The following CASZ1 variants were observed in gnomAD, a reference collection of about 807,000 sequenced individuals.
The protein encoded by CASZ1 is zinc finger protein castor homolog 1.
In CASZ1, 28 loss-of-function variants were observed where a neutral mutation model predicts 135.2. The ratio of observed to expected loss-of-function variants is 0.21; its 90% confidence interval spans 0.15 to 0.28. The LOEUF (loss-of-function observed/expected upper bound fraction) is 0.28, where lower values mean the gene tolerates loss of function less well. CASZ1 is among the 10% of genes least tolerant of loss of function. The pLI, the probability that CASZ1 is intolerant of heterozygous loss-of-function variation, is 1.00. For synonymous variants in CASZ1, 1,068 were observed against 1,073.4 expected, an observed-to-expected ratio of 0.99 and a Z score of 0.10; for missense variants, 2,161 against 2,453.3, an observed-to-expected ratio of 0.88 and a Z score of 2.52.
rs370651839 is a variant in CASZ1 at position 10,665,066 on chromosome 1, G to T, written c.505+17C>A. The stretch of plus-strand genomic sequence containing the variant: ...CTGTCCTGGCCTTCAGCCTCCCTTC[G>T]AAGGCCAGGCACCCACCTGAAGCCT... On this transcript the variant is annotated intron_variant, in intron 5 of 20. Transcript: ENST00000377022. 62 of 1,494,426 alleles carry T rather than the reference G, an allele frequency of 4.1e-5. No homozygotes were observed. In the East Asian group the frequency reaches 5.2e-4, roughly 13 times the overall value. The allele number at this position is 1,494,426 out of a possible 1,614,324, so 92.6% of individuals were successfully genotyped here.
In CASZ1 at chr1:10,679,603, C is replaced by T. The variant is rs1405323201; in HGVS notation, c.17-14032G>A. On this transcript the variant is annotated intron_variant, in intron 4 of 20. Transcript: ENST00000377022. This position sits in a 1 kb window ranked among gnomAD's most constrained non-coding sequence, Gnocchi z 4.7. The stretch of plus-strand genomic sequence containing the variant: ...CAGCCTGCAACAGCTGCACCTCCAC[C>T]CCCAGCCTGGGTCGAGTGGGTGGTG... Among the ~76,000 whole-genome samples, 1 of 152,184 alleles carries T rather than the reference C, an allele frequency of 6.6e-6. No homozygotes were observed. The highest frequency in any genetic ancestry group is 2.4e-5 in the African/African-American group (1 of 41,446).
chr1:10,745,015 C>T (rs904131246), intron 2 of CASZ1, among the ~76,000 whole-genome samples: 2 of 152,170 alleles, frequency 1.3e-5, no homozygotes, highest in African/African-American at 2.4e-5. Context: ...GGCCACCTGA[C>T]CTTCTAGCCC....
chr1:10,732,168 T>C (rs1639712741), intron 2 of CASZ1, among the ~76,000 whole-genome samples: 1 of 151,346 alleles, frequency 6.6e-6, no homozygotes, highest in East Asian at 1.9e-4. Context: ...CTACTAAAAA[T>C]ATAAAAATTA....
rs908102384 is a variant in CASZ1 at position 10,774,982 on chromosome 1, C to A, written c.-233-14125G>T. Among the ~76,000 whole-genome samples the A allele has an allele frequency of 2.0e-5, 3 of 152,152 alleles. No homozygotes were observed. Among genetic ancestry groups the A allele is most frequent in the African/African-American group, 7.2e-5 (3 of 41,434 alleles). ...CTGCATTAAACACACACACACAACA[C>A]CCCAACAAGGGAGACAGAATACACC... On this transcript the variant is annotated intron_variant, in intron 1 of 20. Coordinates refer to ENST00000377022, the MANE Select transcript of CASZ1 (RefSeq NM_001079843.3). The surrounding 1 kb of genome is among the most constrained non-coding windows in gnomAD (Gnocchi z 4.4).
Position 10,700,467 on chromosome 1 carries a change from CGTGTGCTG to C in CASZ1, c.-24+5017_-24+5024del, listed in dbSNP as rs1399543250. ...TGCCAGCGTACTTGGGGAGAAGACACGTGTGCTGCTGCCTGAGTCTAGGTGTTTGGATG... is the reference window on the plus strand; with the variant it reads ...TGCCAGCGTACTTGGGGAGAAGACACCTGCCTGAGTCTAGGTGTTTGGATG... On this transcript the variant is annotated intron_variant, in intron 3 of 20. Transcript: ENST00000377022. This position sits in a 1 kb window ranked among gnomAD's most constrained non-coding sequence, Gnocchi z 4.2. 2.0e-5 allele frequency among the ~76,000 whole-genome samples: 3 copies of C among 152,292 alleles called. No homozygotes were observed. The East Asian group carries it at 5.8e-4, about 29-fold the overall frequency.
At chr1:10,790,081 A>T (rs1342615304) in intron 1 of CASZ1, among the ~76,000 whole-genome samples, 1 of 152,196 alleles carries the variant, frequency 6.6e-6, no homozygotes, top group Non-Finnish European at 1.5e-5. Flanking sequence ...CCGCCCAGGC[A>T]GAAGACAGAC....
intron 2 of CASZ1, among the ~76,000 whole-genome samples, chr1:10,742,638 T>C (rs1639945496): frequency 6.6e-6 from 1 of 152,146 alleles, no homozygotes; most frequent in Non-Finnish European, 1.5e-5. Flanking sequence ...GTCAAGCCCT[T>C]ATCTGAGCGC....
intron 3 of CASZ1, among the ~76,000 whole-genome samples, chr1:10,702,344 G>C (rs998750783): frequency 6.6e-6 from 1 of 152,218 alleles, no homozygotes; most frequent in Non-Finnish European, 1.5e-5. Flanking sequence ...TCAGAGGCCA[G>C]TGAAGGTCAG....
chr1:10,692,397 G>A (rs1283177423), intron 4 of CASZ1, among the ~76,000 whole-genome samples: 7 of 152,174 alleles, frequency 4.6e-5, no homozygotes, highest in African/African-American at 1.7e-4. Flanking sequence ...GCTGGGATGG[G>A]TGGGGGCCCC....
In CASZ1 at chr1:10,756,865, T is replaced by C. The variant is rs985534098; in HGVS notation, c.-77+3836A>G. 1.7e-4 allele frequency among the ~76,000 whole-genome samples: 26 copies of C among 152,052 alleles called. No individual in the cohort carries two copies. Among genetic ancestry groups the C allele is most frequent in the African/African-American group, 6.0e-4 (25 of 41,470 alleles). Reference sequence around the variant, plus strand: ...ACGACGCTCTATATGACCCGGCACGTGGAAAAAGGTGTGCAGAAGCTCAGC... The same window carrying C: ...ACGACGCTCTATATGACCCGGCACGCGGAAAAAGGTGTGCAGAAGCTCAGC... On this transcript the variant is annotated intron_variant, in intron 2 of 20. Coordinates refer to ENST00000377022, the MANE Select transcript of CASZ1 (RefSeq NM_001079843.3). This position sits in a 1 kb window ranked among gnomAD's most constrained non-coding sequence, Gnocchi z 5.9.
At chr1:10,723,773 C>T (rs1007161633) in intron 2 of CASZ1, among the ~76,000 whole-genome samples, 5 of 152,172 alleles carry the variant, frequency 3.3e-5, no homozygotes, top group African/African-American at 7.2e-5. Context: ...GGACTAGATG[C>T]CCAGGAAGCT....
chr1:10,746,993 T>A (rs1024390947), intron 2 of CASZ1, among the ~76,000 whole-genome samples: 6 of 152,204 alleles, frequency 3.9e-5, no homozygotes, highest in African/African-American at 1.4e-4. Flanking sequence ...GTGGGCAAGA[T>A]GGATGACCCC....
At chr1:10,659,639 A>C in intron 6 of CASZ1, 63 bp downstream of exon 6, 3 of 1,340,138 alleles carry the variant, frequency 2.2e-6, no homozygotes, top group Non-Finnish European at 3.2e-6. Context: ...CCTGGTGAGG[A>C]AGGAGGCCTC....
At position 10,637,254 on chromosome 1, in the gene CASZ1, C is replaced by T. The variant is rs949989638; in HGVS notation, c.*1688G>A. On this transcript the variant is annotated 3_prime_UTR_variant, in exon 21 of 21. Transcript: ENST00000377022. The stretch of plus-strand genomic sequence containing the variant: ...TCACTGTCTGGGCAGATGCTCACAG[C>T]AGCACGTGGTGCCCACAGAGTTCAG... 2 of 152,406 alleles carry T rather than the reference C, an allele frequency of 1.3e-5. No individual in the cohort carries two copies. Among genetic ancestry groups the T allele is most frequent in the Non-Finnish European group, 2.9e-5 (2 of 68,030 alleles). 9.4% of individuals were successfully genotyped at this position (152,406 alleles called of 1,614,324 possible).
chr1:10,787,884 A>C (rs1475075175), intron 1 of CASZ1, among the ~76,000 whole-genome samples: 1 of 152,122 alleles, frequency 6.6e-6, no homozygotes, highest in Non-Finnish European at 1.5e-5. Context: ...TGACTCCCAC[A>C]CATCCCCTTT....
chr1:10,649,244 C>CG, intron 14 of CASZ1, 39 bp downstream of exon 14: 1 of 1,607,340 alleles, frequency 6.2e-7, no homozygotes, highest in Middle Eastern at 1.7e-4. Context: ...AGGGCGGGTG[C>CG]GGGGGGACGA....
rs1162404696 is a variant in CASZ1, at chr1:10,777,956, C to T, written c.-233-17099G>A. Reference sequence around the variant, plus strand: ...ACCATTTCACACTATGTCACAACCACATACAATCTCATACGCAATCGCATA... The same window carrying T: ...ACCATTTCACACTATGTCACAACCATATACAATCTCATACGCAATCGCATA... On this transcript the variant is annotated intron_variant, in intron 1 of 20. Transcript: ENST00000377022. The surrounding 1 kb of genome is among the most constrained non-coding windows in gnomAD (Gnocchi z 4.4). 1.3e-5 allele frequency among the ~76,000 whole-genome samples: 2 copies of T among 152,064 alleles called. No individual in the cohort carries two copies. The highest frequency in any genetic ancestry group is 2.9e-5 in the Non-Finnish European group (2 of 68,022).
rs1639179758 is a variant in CASZ1 at position 10,706,684 on chromosome 1, C to A, written c.-76-1140G>T. Among the ~76,000 whole-genome samples, 1 of 152,196 alleles carries A rather than the reference C, an allele frequency of 6.6e-6. No homozygotes were observed. The highest frequency in any genetic ancestry group is 2.4e-5 in the African/African-American group (1 of 41,442). ...TAAGGAGGGCTCGGCTCTCCACCAG[C>A]TTTCGCCGCTTGTGTTGGGCTGCCC... On this transcript the variant is annotated intron_variant, in intron 2 of 20. Coordinates refer to ENST00000377022, the MANE Select transcript of CASZ1 (RefSeq NM_001079843.3). This position sits in a 1 kb window ranked among gnomAD's most constrained non-coding sequence, Gnocchi z 4.3.
rs1553122980 is a variant in CASZ1, at chr1:10,637,132, T to TAAG, written c.*1807_*1809dup. The TAAG allele has an allele frequency of 2.0e-5, 3 of 152,266 alleles. No homozygotes were observed. The highest frequency in any genetic ancestry group is 4.8e-5 in the African/African-American group (2 of 41,392). 9.4% of individuals were successfully genotyped at this position (152,266 alleles called of 1,614,324 possible). On this transcript the variant is annotated 3_prime_UTR_variant, in exon 21 of 21. Transcript: ENST00000377022. ...TTCTTCTTTTCTTCTTTTTTTTTTT[T>TAAG]AAGTTTGATTTTGCTACATTGAAAA...
Sources: gnomAD v4.1 joint callset for allele counts (sites outside exome capture counted in the v4.1 genomes callset) on GRCh38, gnomAD v4.1.1 for gene constraint, Gnocchi (gnomAD v3.1) non-coding constraint, MANE v1.5 for transcripts, NCBI Gene and HGNC (gene_info 2026-07-23, HGNC 2026-07-21) for gene names.